PARVB: variants seen among roughly 807,000 people sequenced by gnomAD.
The protein encoded by PARVB is parvin beta, also known as beta-parvin.
PARVB carries 46 observed loss-of-function variants against 47.0 expected under a neutral mutation model. That is an observed-to-expected ratio of 0.98 (90% CI 0.77 to 1.25). The LOEUF (loss-of-function observed/expected upper bound fraction) is 1.25. Among genes scored for constraint, PARVB ranks in the 50% most tolerant of loss-of-function variants. The pLI is 0.00. For synonymous variants in PARVB, 196 were observed against 196.3 expected (o/e 1.00, Z 0.01); for missense variants, 473 against 471.6 (o/e 1.00, Z -0.03).
chr22:44,122,467 C>G (rs1225553812), intron 4 of PARVB, among the ~76,000 whole-genome samples: 2 of 141,006 alleles, frequency 1.4e-5, no homozygotes, highest in African/African-American at 2.6e-5. Flanking sequence ...GCCTAGGCAA[C>G]AGAGTGAGAC....
intron 11 of PARVB, among the ~76,000 whole-genome samples, chr22:44,159,491 G>C (rs1351580777): frequency 1.3e-5 from 2 of 152,162 alleles, no homozygotes; most frequent in African/African-American, 4.8e-5. Context: ...TCGGAGCGAG[G>C]AAGGGAAGGC....
intron 1 of PARVB, among the ~76,000 whole-genome samples, chr22:44,030,320 G>A (rs1034925170): frequency 1.3e-5 from 2 of 152,220 alleles, no homozygotes; most frequent in Admixed American, 1.3e-4. Flanking sequence ...GGGCCTCCCT[G>A]GAGGAAGTGG....
rs149007174 is a variant in PARVB at position 44,133,585 on chromosome 22, C to A, written c.633+576C>A. Among the ~76,000 whole-genome samples the A allele has an allele frequency of 4.3e-3, 650 of 152,312 alleles. 2 individuals are homozygous for A. The highest frequency in any genetic ancestry group is 0.015 in the African/African-American group (627 of 41,564). On this transcript the variant is annotated intron_variant, in intron 6 of 12. Coordinates refer to ENST00000338758, the MANE Select transcript of PARVB (RefSeq NM_013327.5). ...AAAGGGTTTCACTCTGTTGCCCAGG[C>A]TGGAGTACCATGGTGCAGTCATGGC...
upstream of PARVB, among the ~76,000 whole-genome samples, chr22:44,023,367 C>G (rs562648764): frequency 6.6e-6 from 1 of 151,846 alleles, no homozygotes; most frequent in South Asian, 2.1e-4. Context: ...AAAAATTACC[C>G]GGTCGTGGTG....
At chr22:44,042,396 G>A (rs937470297) in intron 1 of PARVB, among the ~76,000 whole-genome samples, 10 of 152,236 alleles carry the variant, frequency 6.6e-5, no homozygotes, top group African/African-American at 1.9e-4. Context: ...ACTCCAGCCT[G>A]GGTGACAGAG....
At chr22:44,002,272 A>G (rs1332241215) in intron 2 of PARVB, among the ~76,000 whole-genome samples, 1 of 152,238 alleles carries the variant, frequency 6.6e-6, no homozygotes, top group Non-Finnish European at 1.5e-5. Context: ...ATCGTTGTCC[A>G]AAGCTAATTT....
At chr22:44,101,569 G>T (rs574895067) in intron 3 of PARVB, among the ~76,000 whole-genome samples, 1 of 152,138 alleles carries the variant, frequency 6.6e-6, no homozygotes, top group East Asian at 1.9e-4. Context: ...GGTCAACATG[G>T]TGAAACCCTG....
intron 4 of PARVB, among the ~76,000 whole-genome samples, chr22:44,124,988 G>T (rs773863897): frequency 3.3e-5 from 5 of 151,910 alleles, no homozygotes; most frequent in Non-Finnish European, 5.9e-5. Flanking sequence ...GACAGAGTTT[G>T]CACACTCTGC....
At chr22:44,056,468 T>C (rs537361197) in intron 1 of PARVB, among the ~76,000 whole-genome samples, 1 of 152,102 alleles carries the variant, frequency 6.6e-6, no homozygotes, top group African/African-American at 2.4e-5. Context: ...GTGCCACAGA[T>C]TTTTTGTTGT....
chr22:44,098,769 G>A (rs7290518), intron 2 of PARVB, among the ~76,000 whole-genome samples: 3,643 of 152,256 alleles, frequency 0.024, 152 homozygotes, highest in African/African-American at 0.082. Context: ...CATCACATCC[G>A]TGTCAGCAGC....
chr22:44,028,299 G>A (rs573256833), intron 1 of PARVB, among the ~76,000 whole-genome samples: 2 of 136,368 alleles, frequency 1.5e-5, no homozygotes, highest in African/African-American at 2.7e-5. Flanking sequence ...TGGCAACCAC[G>A]GATCATTTTT....
intron 11 of PARVB, 43 bp from the exon 12 acceptor site, chr22:44,163,815 G>T: frequency 1.3e-6 from 2 of 1,518,226 alleles, no homozygotes; most frequent in East Asian, 2.4e-5. Flanking sequence ...GTGTGGGAAC[G>T]ACTGTTGGAC....
chr22:44,124,845 CG>C (rs558486996), intron 4 of PARVB, among the ~76,000 whole-genome samples: 69 of 151,976 alleles, frequency 4.5e-4, no homozygotes, highest in Non-Finnish European at 8.8e-4. Context: ...ACGTGGACTG[CG>C]GGGGGACTGC....
At chr22:44,021,062 C>T (rs113342382), upstream of PARVB, among the ~76,000 whole-genome samples, 1,862 of 152,340 alleles carry the variant, frequency 0.012, 41 homozygotes, top group African/African-American at 0.042. Flanking sequence ...GGATTATAGA[C>T]GTGAGCCACC....
At chr22:44,094,903 G>C (rs1036110591) in intron 2 of PARVB, among the ~76,000 whole-genome samples, 7 of 151,608 alleles carry the variant, frequency 4.6e-5, no homozygotes, top group Admixed American at 1.3e-4. Context: ...GAGCTGTCCT[G>C]AGTCTTCTCA....
chr22:44,151,322 G>C (rs2053802897), intron 9 of PARVB, 161 bp from the exon 10 acceptor site: 1 of 601,592 alleles, frequency 1.7e-6, no homozygotes, highest in Non-Finnish European at 3.0e-6. Flanking sequence ...AGGGGCTACT[G>C]TCAGGATATT....
chr22:44,102,048 C>G (rs140737002), intron 3 of PARVB, among the ~76,000 whole-genome samples: 3 of 152,226 alleles, frequency 2.0e-5, no homozygotes, highest in African/African-American at 7.2e-5. Context: ...CACTTGACTA[C>G]GGAGGCTGAG....
intron 1 of PARVB, among the ~76,000 whole-genome samples, chr22:44,079,604 C>T (rs562352131): frequency 7.9e-5 from 12 of 152,152 alleles, no homozygotes; most frequent in African/African-American, 9.7e-5. Context: ...GAGAAGCCAC[C>T]GGTGGAGAAC....
At chr22:44,095,515 A>G (rs1020290290) in intron 2 of PARVB, among the ~76,000 whole-genome samples, 1 of 152,022 alleles carries the variant, frequency 6.6e-6, no homozygotes, top group Non-Finnish European at 1.5e-5. Flanking sequence ...TAAAAAAAAA[A>G]AAAAGAAAAA....
Sources: allele counts gnomAD v4.1 joint callset (sites outside exome capture counted in the v4.1 genomes callset), GRCh38; gene constraint gnomAD v4.1.1; transcripts MANE v1.5; gene names NCBI Gene and HGNC (gene_info 2026-07-23, HGNC 2026-07-21).